CERS6: variants seen among roughly 807,000 people sequenced by gnomAD.
The protein encoded by CERS6 is ceramide synthase 6, also known as LAG1 homolog, ceramide synthase 6.
In CERS6, 26 loss-of-function variants were observed where a neutral mutation model predicts 56.8. The ratio of observed to expected loss-of-function variants is 0.46; its 90% CI spans 0.34 to 0.63. The LOEUF (loss-of-function observed/expected upper bound fraction) is 0.63. CERS6 is among the 30% of genes least tolerant of loss of function. The pLI, the probability that CERS6 is intolerant of heterozygous loss-of-function variation, is 0.01. For missense variants in CERS6, 415 were observed against 467.5 expected, an observed-to-expected ratio of 0.89 and a Z score of 1.04; for synonymous variants, 164 against 173.3, an observed-to-expected ratio of 0.95 and a Z score of 0.42.
Position 168,759,133 on chromosome 2 carries a change from T to C in CERS6, c.846-6459T>C, listed in dbSNP as rs201693532. Among the ~76,000 whole-genome samples the C allele has an allele frequency of 1.2e-4, 19 of 152,248 alleles. No homozygotes were observed. The East Asian group carries it at 3.5e-3, about 28-fold the overall frequency. On this transcript the variant is annotated intron_variant, in intron 8 of 9. Transcript: ENST00000305747. ...AAAATCACCCACCAAGGCTAAGATATTGGGGTGGTCACAGGTGTATCAGGG... is the reference window on the plus strand; with the variant it reads ...AAAATCACCCACCAAGGCTAAGATACTGGGGTGGTCACAGGTGTATCAGGG...
intron 8 of CERS6, among the ~76,000 whole-genome samples, chr2:168,729,600 A>G (rs974943210): frequency 1.3e-5 from 2 of 152,140 alleles, no homozygotes; most frequent in African/African-American, 2.4e-5. Context: ...GCAGAATCCC[A>G]GAGTGCAGGG....
chr2:168,480,099 G>C (rs777948565), intron 1 of CERS6, among the ~76,000 whole-genome samples: 2 of 152,194 alleles, frequency 1.3e-5, no homozygotes, highest in Non-Finnish European at 2.9e-5. Context: ...TGCTTAACTG[G>C]ATCCCTGGCC....
intron 1 of CERS6, among the ~76,000 whole-genome samples, chr2:168,459,229 A>G (rs1226925507): frequency 1.3e-5 from 2 of 152,276 alleles, no homozygotes; most frequent in African/African-American, 4.8e-5. Context: ...ACATTAAGTG[A>G]AGTCAGTAAT....
intron 1 of CERS6, among the ~76,000 whole-genome samples, chr2:168,487,696 A>G (rs1278234931): frequency 1.3e-5 from 2 of 152,096 alleles, no homozygotes; most frequent in Admixed American, 1.3e-4. Flanking sequence ...TCTCTAAACC[A>G]CATAAGCTAT....
At chr2:168,678,255 C>A (rs1319373223) in intron 4 of CERS6, among the ~76,000 whole-genome samples, 2 of 152,136 alleles carry the variant, frequency 1.3e-5, no homozygotes, top group African/African-American at 4.8e-5. Context: ...CAGGGACCCT[C>A]AAAAATCTGC....
At chr2:168,722,512 A>T (rs1683212803) in intron 8 of CERS6, among the ~76,000 whole-genome samples, 1 of 152,176 alleles carries the variant, frequency 6.6e-6, no homozygotes. Flanking sequence ...ATATTCAGTC[A>T]TCCCCACACC....
intron 8 of CERS6, among the ~76,000 whole-genome samples, chr2:168,742,563 C>G (rs1282239019): frequency 6.6e-6 from 1 of 152,048 alleles, no homozygotes; most frequent in Non-Finnish European, 1.5e-5. Context: ...CAAATGCATG[C>G]GATCATTGCA....
intron 4 of CERS6, among the ~76,000 whole-genome samples, chr2:168,684,166 G>A (rs1686288568): frequency 6.6e-6 from 1 of 152,200 alleles, no homozygotes; most frequent in South Asian, 2.1e-4. Flanking sequence ...GACTCTTTAT[G>A]TAATGCCAGG....
chr2:168,672,287 C>T (rs1036863904), intron 4 of CERS6, among the ~76,000 whole-genome samples: 3 of 152,154 alleles, frequency 2.0e-5, no homozygotes, highest in African/African-American at 7.2e-5. Context: ...TCTTGTTTTT[C>T]AGTTGTTTGC....
chr2:168,575,193 G>A (rs1231007646), intron 3 of CERS6, among the ~76,000 whole-genome samples: 1 of 152,120 alleles, frequency 6.6e-6, no homozygotes, highest in Non-Finnish European at 1.5e-5. Flanking sequence ...TTAAAATGGG[G>A]CCATTAGAAT....
chr2:168,725,156 T>C (rs1683311065), intron 8 of CERS6, among the ~76,000 whole-genome samples: 1 of 152,236 alleles, frequency 6.6e-6, no homozygotes, highest in South Asian at 2.1e-4. Context: ...AAGCCCCTCA[T>C]TGCCCAGGGC....
chr2:168,707,746 A>G (rs1460354372), intron 6 of CERS6, among the ~76,000 whole-genome samples: 2 of 152,192 alleles, frequency 1.3e-5, no homozygotes, highest in Non-Finnish European at 2.9e-5. Flanking sequence ...AGAGACCCAG[A>G]ATCAACTGAT....
At chr2:168,721,572 A>G (rs1559067166) in intron 8 of CERS6, among the ~76,000 whole-genome samples, 1 of 98,174 alleles carries the variant, frequency 1.0e-5, no homozygotes, top group Non-Finnish European at 2.3e-5. Context: ...TTTTGTTTAA[A>G]AAAAACCAAA....
chr2:168,488,156 C>G (rs1694308076), intron 1 of CERS6, among the ~76,000 whole-genome samples: 1 of 150,774 alleles, frequency 6.6e-6, no homozygotes, highest in Admixed American at 6.7e-5. Flanking sequence ...TTTAAAATAA[C>G]TGTTGCATTA....
At chr2:168,569,049 T>G (rs953415224) in intron 3 of CERS6, among the ~76,000 whole-genome samples, 2 of 152,204 alleles carry the variant, frequency 1.3e-5, no homozygotes, top group African/African-American at 4.8e-5. Context: ...TGTTGCTGTG[T>G]TAGCTCAGAC....
At chr2:168,625,907 A>C (rs1161722099) in intron 3 of CERS6, among the ~76,000 whole-genome samples, 1 of 152,166 alleles carries the variant, frequency 6.6e-6, no homozygotes, top group Non-Finnish European at 1.5e-5. Flanking sequence ...CAGGGTAGAG[A>C]CAGTTCTCAA....
chr2:168,762,761 A>G (rs1684617882), intron 8 of CERS6, among the ~76,000 whole-genome samples: 1 of 152,224 alleles, frequency 6.6e-6, no homozygotes, highest in Non-Finnish European at 1.5e-5. Flanking sequence ...AAAGACAACT[A>G]CTATGGCAGG....
At chr2:168,661,409 G>T (rs555079470) in intron 4 of CERS6, among the ~76,000 whole-genome samples, 5 of 152,182 alleles carry the variant, frequency 3.3e-5, no homozygotes, top group African/African-American at 4.8e-5. Context: ...TAGACAGGCT[G>T]TAATTTGTGA....
chr2:168,572,333 A>G (rs1696004502), intron 3 of CERS6, among the ~76,000 whole-genome samples: 1 of 152,106 alleles, frequency 6.6e-6, no homozygotes, highest in Non-Finnish European at 1.5e-5. Flanking sequence ...AGTTGCTGTG[A>G]TGGAGCCTTT....
Sources: gnomAD v4.1 joint callset for allele counts (sites outside exome capture counted in the v4.1 genomes callset) on GRCh38, gnomAD v4.1.1 for gene constraint, MANE v1.5 for transcripts, NCBI Gene and HGNC (gene_info 2026-07-23, HGNC 2026-07-21) for gene names.